Variants in ATF7 observed in about 807,000 individuals in gnomAD.
The protein encoded by ATF7 is cyclic AMP-dependent transcription factor ATF-7.
A neutral mutation model predicts 50.4 loss-of-function variants in ATF7; 10 were observed. The observed-to-expected ratio is 0.20, with a 90% confidence interval of 0.12 to 0.34. The LOEUF (loss-of-function observed/expected upper bound fraction) is 0.34. Ranked by LOEUF, ATF7 falls within the 10% of genes least tolerant of loss-of-function variation. The probability of loss-of-function intolerance (pLI) is 1.00; values close to 1 mark genes in which losing one functional copy is unlikely to be tolerated. For missense variants in ATF7, 465 were observed against 613.9 expected (o/e 0.76, Z 2.56); for synonymous variants, 201 against 226.4 (o/e 0.89, Z 1.01).
intron 3 of ATF7, among the ~76,000 whole-genome samples, chr12:53,552,183 T>C (rs1162179764): frequency 6.6e-6 from 1 of 152,198 alleles, no homozygotes; most frequent in East Asian, 1.9e-4. Flanking sequence ...TTTTGCATTC[T>C]TTTGTTCACC....
chr12:53,508,387 C>A (rs1944062205), downstream of ATF7, among the ~76,000 whole-genome samples: 2 of 151,198 alleles, frequency 1.3e-5, no homozygotes, highest in African/African-American at 4.9e-5. Context: ...CATGGTGAAA[C>A]CCTGTCTACT....
In ATF7 at chr12:53,587,820, C is replaced by CATATAT. The variant is rs1242121330; in HGVS notation, c.48+13127_48+13132dup. ...TTTTGATCCTCTATGTATACTTCTA[C>CATATAT]ATATATATATATATATATATATATT... On this transcript the variant is annotated intron_variant, in intron 2 of 11. Coordinates refer to ENST00000420353, the MANE Select transcript of ATF7 (RefSeq NM_006856.3). Among the ~76,000 whole-genome samples the CATATAT allele has an allele frequency of 1.5e-3, 100 of 67,010 alleles. 2 individuals are homozygous for CATATAT. The highest frequency in any genetic ancestry group is 9.8e-3 in the Middle Eastern group (1 of 102). The allele number at this position is 67,010 out of a possible 152,430, so 44.0% of individuals were successfully genotyped here. A position where few individuals can be genotyped will look rare whatever the true frequency, so the allele number is the denominator to read the frequency against.
At position 53,521,137 on chromosome 12, in the gene ATF7, C is replaced by T. The variant is rs137885067; in HGVS notation, c.1234+2139G>A. On this transcript the variant is annotated intron_variant, in intron 11 of 11. Coordinates refer to ENST00000420353, the MANE Select transcript of ATF7 (RefSeq NM_006856.3). ...GCTCCCAAGTAGCTGGGATTACAGGCGCATGCCACCACGCCCAGCTAATTT... is the reference window on the plus strand; with the variant it reads ...GCTCCCAAGTAGCTGGGATTACAGGTGCATGCCACCACGCCCAGCTAATTT... Among the ~76,000 whole-genome samples, 254 of 152,214 alleles carry T rather than the reference C, an allele frequency of 1.7e-3. 3 individuals are homozygous for T. In the East Asian group the frequency reaches 0.029, roughly 17 times the overall value.
chr12:53,542,461 C>CT, intron 4 of ATF7, among the ~76,000 whole-genome samples: 1 of 152,124 alleles, frequency 6.6e-6, no homozygotes, highest in Middle Eastern at 3.4e-3. Flanking sequence ...GGGTCTCACT[C>CT]TGTCACCCAG....
chr12:53,574,884 A>G (rs1941968693), intron 2 of ATF7: 1 of 357,440 alleles, frequency 2.8e-6, no homozygotes, highest in Non-Finnish European at 5.4e-6. Context: ...GGAGCATTCA[A>G]GTGTGCAGAG....
chr12:53,512,425 T>C lies in ATF7; in HGVS notation c.*4712A>G, dbSNP rs1384228995. 6.6e-6 allele frequency: 1 copy of C among 152,224 alleles called. No homozygotes were observed. Among genetic ancestry groups the C allele is most frequent in the Non-Finnish European group, 1.5e-5 (1 of 68,038 alleles). 9.4% of individuals were successfully genotyped at this position (152,224 alleles called of 1,614,324 possible). On this transcript the variant is annotated 3_prime_UTR_variant, in exon 12 of 12. Transcript: ENST00000420353. ...GATAAGATGGAGAGGTGTTGCTACA[T>C]GTCAAAAATATATAGATGAACAGAG... is the stretch of plus-strand genomic sequence containing the variant.
intron 9 of ATF7, among the ~76,000 whole-genome samples, 200 bp downstream of exon 9, chr12:53,531,544 C>T (rs540192610): frequency 6.6e-6 from 1 of 151,934 alleles, no homozygotes; most frequent in East Asian, 1.9e-4. Flanking sequence ...ACATGATGGT[C>T]TCAGCTAAAA....
At chr12:53,576,898 A>G (rs893906260) in intron 2 of ATF7, among the ~76,000 whole-genome samples, 3 of 152,110 alleles carry the variant, frequency 2.0e-5, no homozygotes, top group Non-Finnish European at 2.9e-5. Context: ...TCTACTAAAA[A>G]TACAAAAGTT....
In ATF7 at chr12:53,530,693, C is replaced by T. The variant is rs917915891; in HGVS notation, c.927+1051G>A. ...TGTGATCTCAGCTCACTGCAACCTCCACCTCCTAGGTTCAAGCGATTCTCC... is the reference window on the plus strand; with the variant it reads ...TGTGATCTCAGCTCACTGCAACCTCTACCTCCTAGGTTCAAGCGATTCTCC... On this transcript the variant is annotated intron_variant, in intron 9 of 11. Coordinates refer to ENST00000420353, the MANE Select transcript of ATF7 (RefSeq NM_006856.3). Among the ~76,000 whole-genome samples, 3 of 151,984 alleles carry T rather than the reference C, an allele frequency of 2.0e-5. No homozygotes were observed. The South Asian group carries it at 6.2e-4, about 31-fold the overall frequency.
At chr12:53,599,397 A>T (rs915882320) in intron 2 of ATF7, among the ~76,000 whole-genome samples, 7 of 151,932 alleles carry the variant, frequency 4.6e-5, no homozygotes, top group African/African-American at 1.7e-4. Flanking sequence ...AAACAAATGT[A>T]TTCTATTTTC....
At chr12:53,543,085 A>T in intron 4 of ATF7, 1 of 1,369,604 alleles carries the variant, frequency 7.3e-7, no homozygotes, top group Non-Finnish European at 9.4e-7. Context: ...TTAAACTAAT[A>T]CTCCCCTGGA....
At chr12:53,546,942 A>G (rs905152221) in intron 3 of ATF7, among the ~76,000 whole-genome samples, 6 of 141,522 alleles carry the variant, frequency 4.2e-5, no homozygotes, top group Non-Finnish European at 1.6e-5. Context: ...ATTTTTTTGT[A>G]GAGATGGGGT....
At chr12:53,519,368 T>C (rs1937947017) in intron 11 of ATF7, among the ~76,000 whole-genome samples, 2 of 152,078 alleles carry the variant, frequency 1.3e-5, no homozygotes, top group Non-Finnish European at 2.9e-5. Context: ...TTACATAATA[T>C]CTATACCACA....
chr12:53,554,901 C>T (rs1049393887), intron 2 of ATF7, among the ~76,000 whole-genome samples: 5 of 143,446 alleles, frequency 3.5e-5, no homozygotes, highest in Non-Finnish European at 6.0e-5. Flanking sequence ...AAAAGACAGC[C>T]TCAGTGGTTT....
chr12:53,587,575 G>A (rs1302063097), intron 2 of ATF7, among the ~76,000 whole-genome samples: 1 of 149,400 alleles, frequency 6.7e-6, no homozygotes, highest in African/African-American at 2.4e-5. Context: ...GCTGAGGCAC[G>A]ACAATCGCCT....
At chr12:53,566,681 T>C (rs1941460671) in intron 2 of ATF7, among the ~76,000 whole-genome samples, 1 of 152,350 alleles carries the variant, frequency 6.6e-6, no homozygotes, top group African/African-American at 2.4e-5. Context: ...CTTGATAAAC[T>C]TGCTTAGCTG....
At chr12:53,587,834 TA>T (rs1376170190) in intron 2 of ATF7, among the ~76,000 whole-genome samples, 3 of 47,338 alleles carry the variant, frequency 6.3e-5, no homozygotes, top group East Asian at 1.8e-3. Flanking sequence ...TATATATATA[TA>T]TATATATATT....
chr12:53,528,456 C>T (rs755803294), intron 9 of ATF7, among the ~76,000 whole-genome samples: 5 of 151,940 alleles, frequency 3.3e-5, no homozygotes, highest in Admixed American at 6.6e-5. Context: ...GGTGAAACCC[C>T]GTCTCTACTA....
chr12:53,523,355 C>T lies in ATF7; in HGVS notation c.1155G>A (p.Val385=). The T allele has an allele frequency of 6.2e-7, 1 of 1,613,868 alleles. No homozygotes were observed. Among genetic ancestry groups the T allele is most frequent in the Non-Finnish European group, 8.5e-7 (1 of 1,179,810 alleles). ...CTAACAGTAGCTGTTTCAACTGGGCCACCTCATTGCGTAGTAATGTGACTT... is the reference window on the plus strand; with the variant it reads ...CTAACAGTAGCTGTTTCAACTGGGCTACCTCATTGCGTAGTAATGTGACTT... The part of the protein sequence containing the change: ...SNEVTLLRNE[V]AQLKQLLLAH... The change falls in exon 11 of 12, where the codon GTG becomes GTA. Residue 385 remains valine (V), a synonymous_variant. Coordinates refer to ENST00000420353, the MANE Select transcript of ATF7 (RefSeq NM_006856.3).
Sources: allele counts gnomAD v4.1 joint callset (sites outside exome capture counted in the v4.1 genomes callset), GRCh38; gene constraint gnomAD v4.1.1; transcripts MANE v1.5; gene names NCBI Gene and HGNC (gene_info 2026-07-23, HGNC 2026-07-21).